The following DGKB variants were observed in gnomAD, a reference collection of about 807,000 sequenced individuals.
DGKB encodes the protein 90 kDa diacylglycerol kinase.
DGKB carries 67 observed loss-of-function variants against 114.3 expected under a neutral mutation model. The observed-to-expected ratio is 0.59, with a 90% CI of 0.48 to 0.72. DGKB has a LOEUF of 0.72. Ranked by LOEUF, DGKB falls within the 30% of genes least tolerant of loss-of-function variation. The probability of loss-of-function intolerance (pLI) is 0.00; values close to 1 mark genes in which losing one functional copy is unlikely to be tolerated. For missense variants in DGKB, 907 were observed against 975.2 expected, an observed-to-expected ratio of 0.93 and a Z score of 0.93; for synonymous variants, 398 against 323.1, an observed-to-expected ratio of 1.23 and a Z score of -2.49.
intron 21 of DGKB, among the ~76,000 whole-genome samples, chr7:14,414,403 A>C (rs1825380952): frequency 6.6e-6 from 1 of 152,110 alleles, no homozygotes; most frequent in African/African-American, 2.4e-5. Context: ...ATGACATACA[A>C]ATTGTTTTGG....
chr7:14,454,866 TAGTATAACAATCC>T (rs1354655593), intron 21 of DGKB, among the ~76,000 whole-genome samples: 1 of 152,108 alleles, frequency 6.6e-6, no homozygotes, highest in Non-Finnish European at 1.5e-5. Context: ...TTTAATTTAA[TAGTATAACAATCC>T]TGAGAACTAA....
chr7:14,383,866 G>C (rs1244770294), intron 21 of DGKB, among the ~76,000 whole-genome samples: 2 of 152,208 alleles, frequency 1.3e-5, no homozygotes, highest in Admixed American at 6.5e-5. Flanking sequence ...GCGAGAAAGA[G>C]AGCGTGGTTA....
At chr7:14,888,402 G>C (rs930262383) in intron 1 of DGKB, among the ~76,000 whole-genome samples, 1 of 151,596 alleles carries the variant, frequency 6.6e-6, no homozygotes, top group Admixed American at 6.6e-5. Flanking sequence ...TCCTTACTGG[G>C]CATCTTAAAT....
At chr7:14,786,516 C>CG (rs745912478) in intron 2 of DGKB, among the ~76,000 whole-genome samples, 19 of 152,290 alleles carry the variant, frequency 1.2e-4, no homozygotes, top group Non-Finnish European at 2.2e-4. Context: ...TCCCTGGAGC[C>CG]GGGGGGAACC....
intron 6 of DGKB, among the ~76,000 whole-genome samples, chr7:14,706,324 G>C (rs1407149785): frequency 2.2e-5 from 3 of 139,242 alleles, no homozygotes; most frequent in Admixed American, 7.3e-5. Context: ...AGCAAGTCCT[G>C]AGTGACCTAC....
intron 21 of DGKB, among the ~76,000 whole-genome samples, chr7:14,453,886 C>T (rs1831895471): frequency 6.6e-6 from 1 of 152,146 alleles, no homozygotes; most frequent in South Asian, 2.1e-4. Context: ...CCATAGTTTG[C>T]TGACCCCTGA....
intron 13 of DGKB, among the ~76,000 whole-genome samples, chr7:14,658,540 T>TG (rs1816328928): frequency 1.3e-5 from 2 of 151,864 alleles, no homozygotes; most frequent in Non-Finnish European, 2.9e-5. Flanking sequence ...GTTTCACACA[T>TG]TGTATGTTTC....
At chr7:14,418,799 C>T (rs1178291789) in intron 21 of DGKB, among the ~76,000 whole-genome samples, 1 of 151,858 alleles carries the variant, frequency 6.6e-6, no homozygotes, top group Non-Finnish European at 1.5e-5. Context: ...TAATGGTTAT[C>T]TTGCAGATTC....
intron 23 of DGKB, among the ~76,000 whole-genome samples, chr7:14,312,945 C>T (rs551509646): frequency 3.0e-4 from 45 of 152,220 alleles, no homozygotes; most frequent in African/African-American, 1.0e-3. Context: ...TGAAAGCCTG[C>T]ATAACAGAAC....
chr7:14,893,670 C>T (rs899471011), intron 1 of DGKB, among the ~76,000 whole-genome samples: 2 of 151,204 alleles, frequency 1.3e-5, no homozygotes, highest in African/African-American at 4.8e-5. Context: ...AAGAAATACT[C>T]GTTTTCACAG....
chr7:14,286,556 T>C (rs1399594114), intron 23 of DGKB, among the ~76,000 whole-genome samples: 2 of 152,170 alleles, frequency 1.3e-5, no homozygotes, highest in South Asian at 2.1e-4. Context: ...AGTCACATAA[T>C]GGAAAAGTTT....
chr7:14,770,535 G>C (rs1837259826), intron 2 of DGKB, among the ~76,000 whole-genome samples: 1 of 152,126 alleles, frequency 6.6e-6, no homozygotes, highest in South Asian at 2.1e-4. Context: ...GATAGTCAAA[G>C]CTCATGAGAG....
chr7:14,956,622 C>T (rs1021089487), intron 1 of DGKB, among the ~76,000 whole-genome samples: 1 of 152,008 alleles, frequency 6.6e-6, no homozygotes, highest in Admixed American at 6.6e-5. Flanking sequence ...AGCTTCTTAA[C>T]CTCTAGAAGC....
chr7:14,685,191 A>G, intron 10 of DGKB, 54 bp downstream of exon 10: 11 of 1,194,808 alleles, frequency 9.2e-6, no homozygotes, highest in Non-Finnish European at 1.4e-5. Context: ...ATTCCATGAA[A>G]TCAACCTTTC....
At chr7:14,964,036 A>C (rs757467250) in intron 1 of DGKB, among the ~76,000 whole-genome samples, 2 of 152,106 alleles carry the variant, frequency 1.3e-5, no homozygotes, top group African/African-American at 2.4e-5. Context: ...TTTATAAGAA[A>C]AAGTGTGGAA....
At chr7:14,187,220 A>G (rs1274736158) in intron 23 of DGKB, among the ~76,000 whole-genome samples, 1 of 152,180 alleles carries the variant, frequency 6.6e-6, no homozygotes, top group South Asian at 2.1e-4. Context: ...TACTCTGGAG[A>G]AGCTCAGTAA....
intron 21 of DGKB, among the ~76,000 whole-genome samples, chr7:14,441,177 T>G (rs1289802699): frequency 6.6e-6 from 1 of 151,930 alleles, no homozygotes; most frequent in Non-Finnish European, 1.5e-5. Context: ...CCCAGCTAAT[T>G]TTTTGTATTT....
intron 1 of DGKB, among the ~76,000 whole-genome samples, chr7:14,884,468 A>T (rs1243471308): frequency 6.6e-6 from 1 of 151,920 alleles, no homozygotes. Flanking sequence ...TTACCTTGGA[A>T]GGTTTTCACA....
At chr7:14,919,060 A>ATG (rs1554345103) in intron 1 of DGKB, among the ~76,000 whole-genome samples, 6 of 125,104 alleles carry the variant, frequency 4.8e-5, no homozygotes, top group Admixed American at 2.6e-4. Context: ...ACTCCACCAC[A>ATG]CGCACACACA....
Sources: allele counts gnomAD v4.1 joint callset (sites outside exome capture counted in the v4.1 genomes callset), GRCh38; gene constraint gnomAD v4.1.1; transcripts MANE v1.5; gene names NCBI Gene and HGNC (gene_info 2026-07-23, HGNC 2026-07-21).